The following WDR64 variants were observed in gnomAD, a reference collection of about 807,000 sequenced individuals.
The protein encoded by WDR64 is WD repeat-containing protein 64.
In WDR64, 112 loss-of-function variants were observed where a neutral mutation model predicts 139.3. The ratio of observed to expected loss-of-function variants is 0.80; its 90% confidence interval spans 0.69 to 0.94. The LOEUF is 0.94. WDR64 is among the 40% of genes least tolerant of loss of function. The pLI is 0.00. For missense variants in WDR64, 1,206 were observed against 1,293.1 expected (o/e 0.93, Z 1.03); for synonymous variants, 444 against 437.7 (o/e 1.01, Z -0.18).
chr1:241,797,027 G>T (rs1014362871), intron 27 of WDR64, among the ~76,000 whole-genome samples: 3 of 152,144 alleles, frequency 2.0e-5, no homozygotes, highest in African/African-American at 7.2e-5. Context: ...TAATTTGGTT[G>T]TACCTACAGA....
At chr1:241,795,413 A>G in intron 26 of WDR64, 126 bp downstream of exon 26, 1 of 783,930 alleles carries the variant, frequency 1.3e-6, no homozygotes, top group South Asian at 1.8e-5. Context: ...GTTGCTTCCA[A>G]AAACGTATCA....
intron 8 of WDR64, among the ~76,000 whole-genome samples, chr1:241,702,183 T>C (rs1034313697): frequency 2.0e-5 from 3 of 152,210 alleles, no homozygotes; most frequent in African/African-American, 2.4e-5. Context: ...GATATGCAAC[T>C]AACTACTCAG....
intron 10 of WDR64, among the ~76,000 whole-genome samples, chr1:241,732,415 G>A (rs1669119671): frequency 6.6e-6 from 1 of 152,142 alleles, no homozygotes; most frequent in Non-Finnish European, 1.5e-5. Flanking sequence ...ACCTAGGCTA[G>A]AATTTTGTAA....
chr1:241,663,787 T>C (rs998518651), intron 2 of WDR64, among the ~76,000 whole-genome samples: 5 of 152,256 alleles, frequency 3.3e-5, no homozygotes, highest in Admixed American at 1.3e-4. Flanking sequence ...CTAGGGGCTA[T>C]TGTATTATAC....
intron 10 of WDR64, 128 bp downstream of exon 10, chr1:241,723,564 C>T: frequency 9.2e-7 from 1 of 1,081,258 alleles, no homozygotes; most frequent in South Asian, 1.8e-5. Context: ...AAAATATTGT[C>T]AGTATGGAAA....
intron 23 of WDR64, among the ~76,000 whole-genome samples, chr1:241,785,198 G>T (rs987057856): frequency 6.6e-6 from 1 of 152,064 alleles, no homozygotes; most frequent in Non-Finnish European, 1.5e-5. Context: ...TTCCTTGCTT[G>T]TCTTGGTCTG....
rs573459858 is a variant in WDR64, at chr1:241,732,328, T to C, written c.1195-6035T>C. The stretch of plus-strand genomic sequence containing the variant: ...ATCTATCTATCTATCTATCTATTTG[T>C]CATCTATCTACTCTCCTGGCAAGAC... On this transcript the variant is annotated intron_variant, in intron 10 of 27. Coordinates refer to ENST00000437684, the MANE Select transcript of WDR64 (RefSeq NM_001367482.1). Among the ~76,000 whole-genome samples, 3 of 152,292 alleles carry C rather than the reference T, an allele frequency of 2.0e-5. No homozygotes were observed. In the East Asian group the frequency reaches 5.8e-4, roughly 29 times the overall value.
At chr1:241,675,074 C>T (rs1442660511) in intron 4 of WDR64, among the ~76,000 whole-genome samples, 1 of 87,796 alleles carries the variant, frequency 1.1e-5, no homozygotes, top group African/African-American at 4.4e-5. Context: ...CTCCTTCCTG[C>T]CTCCCTCCCT....
intron 2 of WDR64, among the ~76,000 whole-genome samples, chr1:241,663,176 G>T (rs1386677413): frequency 6.6e-6 from 1 of 152,130 alleles, no homozygotes; most frequent in Non-Finnish European, 1.5e-5. Flanking sequence ...ATTGAAAAAA[G>T]ACAGCAGAAT....
intron 9 of WDR64, among the ~76,000 whole-genome samples, chr1:241,718,905 A>T (rs1187328509): frequency 6.6e-6 from 1 of 152,112 alleles, no homozygotes; most frequent in African/African-American, 2.4e-5. Context: ...TAATCCCATC[A>T]TGAGGGCCCG....
intron 20 of WDR64, among the ~76,000 whole-genome samples, 189 bp from the exon 21 acceptor site, chr1:241,774,916 T>C (rs570582322): frequency 6.6e-6 from 1 of 152,326 alleles, no homozygotes; most frequent in African/African-American, 2.4e-5. Context: ...TTTAGTATAT[T>C]TAATTTCAAG....
At chr1:241,734,911 A>G (rs1669236826) in intron 10 of WDR64, among the ~76,000 whole-genome samples, 1 of 152,210 alleles carries the variant, frequency 6.6e-6, no homozygotes, top group Non-Finnish European at 1.5e-5. Context: ...TCACACAATG[A>G]CAAAATCACC....
At chr1:241,691,376 A>G (rs1357863982) in intron 8 of WDR64, among the ~76,000 whole-genome samples, 1 of 152,214 alleles carries the variant, frequency 6.6e-6, no homozygotes, top group East Asian at 1.9e-4. Context: ...AGAGATTGTC[A>G]GAGTGATCAC....
chr1:241,772,541 C>T (rs1399618622), intron 19 of WDR64, among the ~76,000 whole-genome samples: 1 of 139,384 alleles, frequency 7.2e-6, no homozygotes, highest in Non-Finnish European at 1.5e-5. Flanking sequence ...CAGCTCACTG[C>T]AACCTCTGCC....
At chr1:241,699,279 C>T (rs1558478521) in intron 8 of WDR64, among the ~76,000 whole-genome samples, 1 of 152,192 alleles carries the variant, frequency 6.6e-6, no homozygotes, top group African/African-American at 2.4e-5. Flanking sequence ...ATACATGCAA[C>T]ATTCACTTTC....
At chr1:241,676,694 G>T (rs1304435585) in intron 4 of WDR64, among the ~76,000 whole-genome samples, 1 of 149,444 alleles carries the variant, frequency 6.7e-6, no homozygotes, top group Non-Finnish European at 1.5e-5. Context: ...AAACACATAT[G>T]TTTTTTATAA....
intron 8 of WDR64, among the ~76,000 whole-genome samples, chr1:241,700,772 TC>T (rs1463076336): frequency 1.3e-5 from 2 of 152,320 alleles, no homozygotes; most frequent in African/African-American, 4.8e-5. Context: ...TTTGTGATGG[TC>T]AAATAAGCTG....
chr1:241,657,522 C>T (rs1573981928), intron 1 of WDR64, among the ~76,000 whole-genome samples: 1 of 152,120 alleles, frequency 6.6e-6, no homozygotes, highest in Non-Finnish European at 1.5e-5. Flanking sequence ...TGGAACATGC[C>T]AAGCCTGTGC....
chr1:241,749,682 T>C lies in WDR64; in HGVS notation c.1730T>C (p.Val577Ala), dbSNP rs1435008585. ...GCCCAAGAAAAACACCAGCAGCTGG[T>C]CCTGGCCTTGGAGCGCAACGGGACT... ...LKAQEKHQQL[V>A]LALERNGTIK... is the part of the protein sequence containing the mutation. The change falls in exon 14 of 28, where the codon GTC becomes GCC. Residue 577 changes from valine to alanine, a missense_variant. Physicochemically the swap from Val to Ala is moderately conservative, Grantham distance 64 (BLOSUM62 0). Coordinates refer to ENST00000437684, the MANE Select transcript of WDR64 (RefSeq NM_001367482.1). 3.1e-6 allele frequency: 5 copies of C among 1,614,096 alleles called. No individual in the cohort carries two copies. Among genetic ancestry groups the C allele is most frequent in the Non-Finnish European group, 3.4e-6 (4 of 1,179,996 alleles).
Sources: allele counts gnomAD v4.1 joint callset (sites outside exome capture counted in the v4.1 genomes callset), GRCh38; gene constraint gnomAD v4.1.1; transcripts MANE v1.5; gene names NCBI Gene and HGNC (gene_info 2026-07-23, HGNC 2026-07-21).